The following PLXNA4 variants were observed in gnomAD, a reference collection of about 807,000 sequenced individuals.
The protein encoded by PLXNA4 is plexin A4.
A neutral mutation model predicts 191.8 loss-of-function variants in PLXNA4; 44 were observed. The ratio of observed to expected loss-of-function variants is 0.23; its 90% confidence interval spans 0.18 to 0.29. The LOEUF is 0.29. Among genes scored for constraint, PLXNA4 ranks in the 10% least tolerant of loss-of-function variants. The probability of loss-of-function intolerance (pLI) is 1.00; values close to 1 mark genes in which losing one functional copy is unlikely to be tolerated. For missense variants in PLXNA4, 1,800 were observed against 2,488.8 expected (o/e 0.72, Z 5.89); for synonymous variants, 1,082 against 1,009.5 (o/e 1.07, Z -1.36).
intron 3 of PLXNA4, among the ~76,000 whole-genome samples, chr7:132,359,141 C>A (rs1486709691): frequency 6.6e-6 from 1 of 151,478 alleles, no homozygotes; most frequent in Non-Finnish European, 1.5e-5. Context: ...CTGGAAGGCA[C>A]CTGAGAGTTT....
chr7:132,394,266 C>A (rs1344970489), intron 3 of PLXNA4, among the ~76,000 whole-genome samples: 1 of 152,168 alleles, frequency 6.6e-6, no homozygotes, highest in Non-Finnish European at 1.5e-5. Flanking sequence ...GACACCCAAG[C>A]CGATTTGGTG....
At chr7:132,595,919 A>G (rs1374660708) in intron 2 of PLXNA4, among the ~76,000 whole-genome samples, 1 of 152,164 alleles carries the variant, frequency 6.6e-6, no homozygotes, top group Non-Finnish European at 1.5e-5. Flanking sequence ...TATCCTACAT[A>G]CCTTCAATAC....
intron 3 of PLXNA4, among the ~76,000 whole-genome samples, chr7:132,415,982 G>A (rs570583499): frequency 7.9e-5 from 12 of 152,302 alleles, no homozygotes; most frequent in East Asian, 3.9e-4. Flanking sequence ...CCAGCTACTC[G>A]TGGTTCTTTA....
At chr7:132,278,617 C>T (rs1346690047) in intron 4 of PLXNA4, among the ~76,000 whole-genome samples, 1 of 152,176 alleles carries the variant, frequency 6.6e-6, no homozygotes, top group Non-Finnish European at 1.5e-5. Context: ...GCAGCGAAGG[C>T]CCTGGGACAG....
chr7:132,135,832 T>A (rs1795095722), intron 30 of PLXNA4, among the ~76,000 whole-genome samples: 1 of 152,106 alleles, frequency 6.6e-6, no homozygotes, highest in Non-Finnish European at 1.5e-5. Flanking sequence ...GCTGGGTAGC[T>A]CCTGTCTCTT....
chr7:132,461,293 A>C (rs912166774), intron 3 of PLXNA4, among the ~76,000 whole-genome samples: 1 of 152,228 alleles, frequency 6.6e-6, no homozygotes, highest in Non-Finnish European at 1.5e-5. Context: ...GTAAGGTTGC[A>C]TGAATGGCTG....
At chr7:132,424,138 G>T (rs550280213) in intron 3 of PLXNA4, among the ~76,000 whole-genome samples, 1 of 152,192 alleles carries the variant, frequency 6.6e-6, no homozygotes, top group African/African-American at 2.4e-5. Flanking sequence ...TCCTCGCCAG[G>T]GTCTCAGTGA....
intron 3 of PLXNA4, among the ~76,000 whole-genome samples, chr7:132,316,039 A>T (rs1292010312): frequency 3.3e-5 from 5 of 152,164 alleles, no homozygotes; most frequent in Non-Finnish European, 7.3e-5. Context: ...AACTGATATG[A>T]TCTGACTTTC....
At chr7:132,211,233 C>T in intron 9 of PLXNA4, 90 bp from the exon 10 acceptor site, 1 of 1,379,406 alleles carries the variant, frequency 7.2e-7, no homozygotes, top group Non-Finnish European at 9.9e-7. Flanking sequence ...TTCCCTGTCT[C>T]CACCCTTCCA....
chr7:132,334,829 A>T (rs1802754274), intron 3 of PLXNA4, among the ~76,000 whole-genome samples: 1 of 152,216 alleles, frequency 6.6e-6, no homozygotes, highest in African/African-American at 2.4e-5. Context: ...GAACATCGGC[A>T]TTGAATGGCG....
At chr7:132,265,944 T>C (rs568594712) in intron 4 of PLXNA4, among the ~76,000 whole-genome samples, 2 of 152,076 alleles carry the variant, frequency 1.3e-5, no homozygotes, top group East Asian at 1.9e-4. Flanking sequence ...TGAAAAGGGA[T>C]GGGTGGGAAT....
chr7:132,595,709 CA>C (rs1360938951), intron 2 of PLXNA4, among the ~76,000 whole-genome samples: 1 of 152,172 alleles, frequency 6.6e-6, no homozygotes, highest in Non-Finnish European at 1.5e-5. Flanking sequence ...ATAGAAGTTA[CA>C]AAGAAGCTGC....
rs1354479332 is a variant in PLXNA4 at position 132,277,208 on chromosome 7, G to A, written c.1503+20883C>T. 3.3e-5 allele frequency among the ~76,000 whole-genome samples: 5 copies of A among 152,192 alleles called. No homozygotes were observed. The East Asian group carries it at 9.6e-4, about 29-fold the overall frequency. On this transcript the variant is annotated intron_variant, in intron 4 of 31. Coordinates refer to ENST00000321063, the MANE Select transcript of PLXNA4 (RefSeq NM_020911.2). ...ACTTATTCAGGGAATACTTGGCACT[G>A]TGGCTTAAGTGGGGGAAGCTGGATC...
Position 132,370,792 on chromosome 7 carries a change from G to T in PLXNA4, c.1372-72570C>A, listed in dbSNP as rs538264515. ...CTGCTCAAGCCCCTAGATATTGATG[G>T]GTGTGACTGAGCTAGGCCATCCTCT... is the stretch of plus-strand genomic sequence containing the variant. On this transcript the variant is annotated intron_variant, in intron 3 of 31. Coordinates refer to ENST00000321063, the MANE Select transcript of PLXNA4 (RefSeq NM_020911.2). Among the ~76,000 whole-genome samples, 6 of 152,258 alleles carry T rather than the reference G, an allele frequency of 3.9e-5. No individual in the cohort carries two copies. The East Asian group carries it at 7.7e-4, about 20-fold the overall frequency.
chr7:132,576,136 A>G lies in PLXNA4; in HGVS notation c.-87+286T>C, dbSNP rs1384819069. 2.0e-5 allele frequency among the ~76,000 whole-genome samples: 3 copies of G among 152,182 alleles called. No homozygotes were observed. The highest frequency in any genetic ancestry group is 1.5e-5 in the Non-Finnish European group (1 of 68,026). ...GGAATACACAGAATCCCACCCCGAA[A>G]GTCCCGGGAAAGAGAAGTCTGAGTC... On this transcript the variant is annotated intron_variant, in intron 1 of 31. Coordinates refer to ENST00000321063, the MANE Select transcript of PLXNA4 (RefSeq NM_020911.2). The surrounding 1 kb of genome is among the most constrained non-coding windows in gnomAD (Gnocchi z 5.8).
intron 3 of PLXNA4, among the ~76,000 whole-genome samples, chr7:132,300,820 G>GA (rs1267216265): frequency 6.6e-6 from 1 of 152,250 alleles, no homozygotes; most frequent in Non-Finnish European, 1.5e-5. Flanking sequence ...CCGTCGGCCA[G>GA]AGCAGGGTCC....
chr7:132,272,488 C>T (rs1800114262), intron 4 of PLXNA4, among the ~76,000 whole-genome samples: 1 of 152,180 alleles, frequency 6.6e-6, no homozygotes, highest in African/African-American at 2.4e-5. Flanking sequence ...TATTTATTCA[C>T]TATTTTGTCA....
rs138650739 is a variant in PLXNA4 at position 132,536,902 on chromosome 7, G to A, written c.-86-28123C>T. Among the ~76,000 whole-genome samples the A allele has an allele frequency of 6.7e-3, 1,025 of 152,346 alleles. 11 individuals carry two copies. The highest frequency in any genetic ancestry group is 0.018 in the South Asian group (89 of 4,826). ...AAGAAAAGCAGATTATTTTGAGCAC[G>A]AACTGCTGAGTCCCCACTCTGTGTC... On this transcript the variant is annotated intron_variant, in intron 1 of 31. Transcript: ENST00000321063.
At chr7:132,141,106 T>C (rs1353484566) in intron 29 of PLXNA4, among the ~76,000 whole-genome samples, 1 of 152,202 alleles carries the variant, frequency 6.6e-6, no homozygotes, top group African/African-American at 2.4e-5. Flanking sequence ...GCTCATCATC[T>C]TCCCTTTGGT....
Sources: allele counts gnomAD v4.1 joint callset (sites outside exome capture counted in the v4.1 genomes callset), GRCh38; gene constraint gnomAD v4.1.1; non-coding constraint Gnocchi (gnomAD v3.1); transcripts MANE v1.5; gene names NCBI Gene and HGNC (gene_info 2026-07-23, HGNC 2026-07-21).